The following VPS13B variants were observed in gnomAD, a reference collection of about 807,000 sequenced individuals.
VPS13B encodes the protein intermembrane lipid transfer protein VPS13B.
Under a neutral mutation model 426.4 loss-of-function variants are expected in VPS13B, and 285 were observed. That is an observed-to-expected ratio of 0.67 (90% CI 0.61 to 0.74). The LOEUF is 0.74. VPS13B is among the 30% of genes least tolerant of loss of function. The pLI is 0.00. For synonymous variants in VPS13B, 1,676 were observed against 1,676.4 expected, an observed-to-expected ratio of 1.00 and a Z score of 0.01; for missense variants, 4,537 against 4,782.6, an observed-to-expected ratio of 0.95 and a Z score of 1.51.
rs567626449 is a variant in VPS13B at position 99,545,751 on chromosome 8, T to C, written c.4746-10699T>C. Among the ~76,000 whole-genome samples the C allele has an allele frequency of 2.3e-4, 35 of 152,274 alleles. 1 individual carries two copies. The highest frequency in any genetic ancestry group is 2.2e-3 in the Admixed American group (34 of 15,278). ...CTTAGTACTAGATATTTGTGGATGA[T>C]GTTTAAGGAAAGATATTTTCTCTCT... On this transcript the variant is annotated intron_variant, in intron 30 of 61. Coordinates refer to ENST00000357162, the MANE Select transcript of VPS13B (RefSeq NM_152564.5).
chr8:99,754,405 G>T (rs1274135033), intron 39 of VPS13B, among the ~76,000 whole-genome samples: 1 of 152,072 alleles, frequency 6.6e-6, no homozygotes, highest in Non-Finnish European at 1.5e-5. Flanking sequence ...ATAAATAACT[G>T]ATTGTAAGAA....
intron 35 of VPS13B, chr8:99,696,402 C>T (rs1407599015): frequency 6.0e-6 from 2 of 332,044 alleles, no homozygotes; most frequent in Non-Finnish European, 1.2e-5. Context: ...TCGTGGTGCT[C>T]ATGCTGTGGC....
At position 99,103,120 on chromosome 8, in the gene VPS13B, G is replaced by A. The variant is rs771155171; in HGVS notation, c.580G>A (p.Ala194Thr). ...GGATCGTGCATTCATGGATATTTCT[G>A]GTGAGTAAATATGGAGAATACCGTA... ...LWDRAFMDIS[A>T]TDLVLRKVIN... The change falls in exon 5 of 62, where the codon GCA becomes ACA. Residue 194 changes from alanine to threonine, a missense_variant and splice_region_variant. Physicochemically the swap from Ala to Thr is moderately conservative, Grantham distance 58 (BLOSUM62 0). Transcript: ENST00000357162. 2.4e-5 allele frequency: 39 copies of A among 1,613,476 alleles called. 1 individual carries two copies. The highest frequency in any genetic ancestry group is 3.2e-5 in the Non-Finnish European group (38 of 1,179,782).
intron 58 of VPS13B, among the ~76,000 whole-genome samples, chr8:99,863,091 A>G (rs527796529): frequency 2.6e-5 from 4 of 152,290 alleles, no homozygotes; most frequent in African/African-American, 9.6e-5. Context: ...TTGTGACCTC[A>G]GGCAAGTTCT....
At chr8:99,612,952 A>G (rs1827907136) in intron 33 of VPS13B, among the ~76,000 whole-genome samples, 1 of 152,054 alleles carries the variant, frequency 6.6e-6, no homozygotes, top group South Asian at 2.1e-4. Flanking sequence ...GGCAGCTGTC[A>G]TCTTATCTAG....
intron 24 of VPS13B, among the ~76,000 whole-genome samples, chr8:99,475,810 G>C (rs1563750754): frequency 6.6e-6 from 1 of 152,260 alleles, no homozygotes; most frequent in East Asian, 1.9e-4. Context: ...CCTTTCTCCT[G>C]TTCTCCTGAT....
intron 33 of VPS13B, among the ~76,000 whole-genome samples, chr8:99,599,306 C>T (rs1563817549): frequency 6.6e-6 from 1 of 151,964 alleles, no homozygotes; most frequent in Non-Finnish European, 1.5e-5. Context: ...CCCATTCATG[C>T]TAAATTATGT....
In VPS13B at chr8:99,134,897, A is replaced by C. The variant is rs961618803; in HGVS notation, c.1303-118A>C. 17 of 1,322,056 alleles carry C rather than the reference A, an allele frequency of 1.3e-5. No homozygotes were observed. In the African/African-American group the frequency reaches 2.1e-4, roughly 16 times the overall value. 81.9% of individuals were successfully genotyped at this position (1,322,056 alleles called of 1,614,324 possible). On this transcript the variant is annotated intron_variant, in intron 9 of 61. Transcript: ENST00000357162. The stretch of plus-strand genomic sequence containing the variant: ...TAGTATAAATAAATAGTATAGAATA[A>C]ATTTAAAAATGACATAATTCTAAAG...
Position 99,143,182 on chromosome 8 carries a change from A to G in VPS13B, c.1843+17A>G, listed in dbSNP as rs1810523467. 1.2e-6 allele frequency: 2 copies of G among 1,613,700 alleles called. No individual in the cohort carries two copies. The highest frequency in any genetic ancestry group is 1.7e-6 in the Non-Finnish European group (2 of 1,179,728). On this transcript the variant is annotated intron_variant, in intron 13 of 61. Coordinates refer to ENST00000357162, the MANE Select transcript of VPS13B (RefSeq NM_152564.5). ...TAAAATCAGGTTTGTTTCTGGATTA[A>G]TTTTGAATCTTTTGCCATTTGTTTT...
intron 19 of VPS13B, among the ~76,000 whole-genome samples, chr8:99,311,609 A>G (rs545198081): frequency 6.6e-6 from 1 of 152,294 alleles, no homozygotes; most frequent in Non-Finnish European, 1.5e-5. Context: ...CAATTTTGGA[A>G]TAAGTGTGCT....
At chr8:99,685,953 G>A (rs1055646532) in intron 35 of VPS13B, among the ~76,000 whole-genome samples, 2 of 152,024 alleles carry the variant, frequency 1.3e-5, no homozygotes, top group Non-Finnish European at 2.9e-5. Context: ...GTTTATTATA[G>A]TCTTCATGGT....
At chr8:99,721,964 G>C (rs77402257) in intron 39 of VPS13B, among the ~76,000 whole-genome samples, 8,078 of 152,222 alleles carry the variant, frequency 0.053, 333 homozygotes, top group Middle Eastern at 0.071. Context: ...TTTAAATGTA[G>C]GTTATACTAT....
intron 41 of VPS13B, 38 bp from the exon 42 acceptor site, chr8:99,778,644 A>G (rs773717733): frequency 6.4e-7 from 1 of 1,568,594 alleles, no homozygotes; most frequent in South Asian, 1.1e-5. Flanking sequence ...ATATTGGCTC[A>G]TCTTAATTGC....
At chr8:99,566,709 G>C (rs1825210755) in intron 31 of VPS13B, among the ~76,000 whole-genome samples, 2 of 152,150 alleles carry the variant, frequency 1.3e-5, no homozygotes. Context: ...TCCCAAAGTA[G>C]TGAGAGGCCA....
chr8:99,283,281 C>T (rs1819263297), intron 19 of VPS13B, among the ~76,000 whole-genome samples: 1 of 152,164 alleles, frequency 6.6e-6, no homozygotes, highest in Non-Finnish European at 1.5e-5. Context: ...GTGGTTTGGG[C>T]ATAAATGTGT....
At chr8:99,084,023 G>A (rs1274930606) in intron 3 of VPS13B, among the ~76,000 whole-genome samples, 1 of 152,190 alleles carries the variant, frequency 6.6e-6, no homozygotes, top group African/African-American at 2.4e-5. Context: ...AATAGTTTCA[G>A]AAGGAATGGT....
At chr8:99,427,735 C>T (rs1266363352) in intron 21 of VPS13B, among the ~76,000 whole-genome samples, 16 of 150,602 alleles carry the variant, frequency 1.1e-4, no homozygotes, top group Admixed American at 1.1e-3. Flanking sequence ...AGATTCAATG[C>T]CATCCCCATC....
At chr8:99,034,670 A>G (rs1184935723) in intron 2 of VPS13B, among the ~76,000 whole-genome samples, 1 of 152,048 alleles carries the variant, frequency 6.6e-6, no homozygotes, top group Non-Finnish European at 1.5e-5. Flanking sequence ...TTCTCTGTTA[A>G]TTTTTGGGCT....
intron 51 of VPS13B, among the ~76,000 whole-genome samples, chr8:99,825,386 CTG>C (rs1310309973): frequency 6.6e-6 from 1 of 151,752 alleles, no homozygotes; most frequent in East Asian, 1.9e-4. Flanking sequence ...TGAGAAGTGT[CTG>C]TGTATATCCT....
Sources: allele counts gnomAD v4.1 joint callset (sites outside exome capture counted in the v4.1 genomes callset), GRCh38; gene constraint gnomAD v4.1.1; transcripts MANE v1.5; gene names NCBI Gene and HGNC (gene_info 2026-07-23, HGNC 2026-07-21).